Variants in MALRD1 observed in about 807,000 individuals in gnomAD.
MALRD1 encodes MAM and LDL-receptor class A domain-containing protein 1.
Under a neutral mutation model 242.1 loss-of-function variants are expected in MALRD1, and 247 were observed. The observed-to-expected ratio is 1.02, with a 90% CI of 0.92 to 1.13. The LOEUF (loss-of-function observed/expected upper bound fraction) is 1.13, where lower values mean the gene tolerates loss of function less well. Among genes scored for constraint, MALRD1 ranks in the 50% most tolerant of loss-of-function variants. The probability of loss-of-function intolerance (pLI) is 0.00; values close to 1 mark genes in which losing one functional copy is unlikely to be tolerated. For synonymous variants in MALRD1, 995 were observed against 866.6 expected (o/e 1.15, Z -2.60); for missense variants, 2,989 against 2,533.1 (o/e 1.18, Z -3.86).
At chr10:19,430,695 CTTAATA>C (rs530424405) in intron 28 of MALRD1, among the ~76,000 whole-genome samples, 6 of 152,234 alleles carry the variant, frequency 3.9e-5, no homozygotes, top group African/African-American at 1.2e-4. Context: ...ATAAAAGACA[CTTAATA>C]TTAATTGGAT....
intron 28 of MALRD1, among the ~76,000 whole-genome samples, chr10:19,446,683 T>C (rs1835001390): frequency 6.6e-6 from 1 of 152,218 alleles, no homozygotes; most frequent in Non-Finnish European, 1.5e-5. Context: ...ATGCATATAC[T>C]ATATGTGAGG....
intron 24 of MALRD1, among the ~76,000 whole-genome samples, chr10:19,333,268 C>T (rs183944878): frequency 6.6e-6 from 1 of 152,060 alleles, no homozygotes; most frequent in Non-Finnish European, 1.5e-5. Context: ...GCATAGGACA[C>T]AATAGATTTT....
At chr10:19,376,547 T>G (rs1423026474) in intron 26 of MALRD1, among the ~76,000 whole-genome samples, 2 of 100,484 alleles carry the variant, frequency 2.0e-5, no homozygotes, top group Non-Finnish European at 4.2e-5. Context: ...ACATTCTTTT[T>G]TTTTTTTTTT....
chr10:19,166,557 A>T (rs1041133336), intron 13 of MALRD1, among the ~76,000 whole-genome samples: 1 of 152,202 alleles, frequency 6.6e-6, no homozygotes, highest in Non-Finnish European at 1.5e-5. Flanking sequence ...GTATTTCAAA[A>T]TATTTAGGGG....
intron 14 of MALRD1, among the ~76,000 whole-genome samples, chr10:19,192,915 A>G (rs1341270646): frequency 1.3e-5 from 2 of 150,036 alleles, no homozygotes; most frequent in African/African-American, 4.9e-5. Context: ...TTATTCTTTG[A>G]AGGTGATTTA....
At chr10:19,212,962 T>C (rs1008838595) in intron 18 of MALRD1, among the ~76,000 whole-genome samples, 1 of 152,164 alleles carries the variant, frequency 6.6e-6, no homozygotes, top group Non-Finnish European at 1.5e-5. Context: ...TTTGAGCTTT[T>C]AAAATATATT....
chr10:19,271,250 A>T (rs1049544730), intron 19 of MALRD1, among the ~76,000 whole-genome samples: 8 of 152,258 alleles, frequency 5.3e-5, no homozygotes, highest in African/African-American at 1.9e-4. Flanking sequence ...ACTAGACAGC[A>T]TTCAGAATTA....
chr10:19,374,219 TAATGTAGA>T (rs1845506658), intron 26 of MALRD1, among the ~76,000 whole-genome samples: 2 of 152,252 alleles, frequency 1.3e-5, no homozygotes, highest in African/African-American at 4.8e-5. Flanking sequence ...AATGAAGTAC[TAATGTAGA>T]AATCCATTTT....
chr10:19,270,986 A>G (rs1011269133), intron 19 of MALRD1, among the ~76,000 whole-genome samples: 2 of 152,154 alleles, frequency 1.3e-5, no homozygotes, highest in Non-Finnish European at 2.9e-5. Flanking sequence ...ATAAACCTAA[A>G]TATACGAATG....
intron 36 of MALRD1, among the ~76,000 whole-genome samples, chr10:19,651,803 A>G (rs1239623453): frequency 1.3e-5 from 2 of 152,246 alleles, no homozygotes; most frequent in Non-Finnish European, 1.5e-5. Flanking sequence ...CTGTCTGGGC[A>G]TGATGTCAGG....
At chr10:19,052,212 G>T in intron 1 of MALRD1, 1 of 299,508 alleles carries the variant, frequency 3.3e-6, no homozygotes, top group Non-Finnish European at 6.5e-6. Flanking sequence ...AAAAACCACA[G>T]GCCCTTCCCC....
chr10:19,519,113 A>G (rs1173445354), intron 31 of MALRD1, among the ~76,000 whole-genome samples: 1 of 151,538 alleles, frequency 6.6e-6, no homozygotes, highest in African/African-American at 2.4e-5. Context: ...AAAAATGTAT[A>G]TACTTGTTCT....
rs150126323 is a variant in MALRD1 at position 19,451,811 on chromosome 10, T to C, written c.5029+1321T>C. Among the ~76,000 whole-genome samples, 69 of 152,290 alleles carry C rather than the reference T, an allele frequency of 4.5e-4. No individual in the cohort carries two copies. In the South Asian group the frequency reaches 5.8e-3, roughly 13 times the overall value. On this transcript the variant is annotated intron_variant, in intron 29 of 39. Transcript: ENST00000454679. ...GAATTCCCTCTCCTCCAACCTATGT[T>C]TCCAGAAAAGGTGGTTGTTACTCAG...
rs1835227811 is a variant in MALRD1 at position 19,730,122 on chromosome 10, G to C, written c.6315-584G>C. On this transcript the variant is annotated intron_variant, in intron 38 of 39. Transcript: ENST00000454679. ...AATTATAGTGAATTATGCACATGTA[G>C]TCCAATATGTGATATTACCAAGGGC... 1.3e-5 allele frequency among the ~76,000 whole-genome samples: 2 copies of C among 152,154 alleles called. 1 individual carries two copies. Among genetic ancestry groups the C allele is most frequent in the South Asian group, 4.1e-4 (2 of 4,824 alleles).
Position 19,106,301 on chromosome 10 carries a change from G to T in MALRD1, c.694+2226G>T, listed in dbSNP as rs1283254057. On this transcript the variant is annotated intron_variant, in intron 5 of 39. Coordinates refer to ENST00000454679, the MANE Select transcript of MALRD1 (RefSeq NM_001142308.3). ...TAGAATTTAGTAGTGAAGCCATCAG[G>T]TTCTGGGTTGTTCTTTGGTGGGAGA... Among the ~76,000 whole-genome samples, 7 of 151,810 alleles carry T rather than the reference G, an allele frequency of 4.6e-5. No homozygotes were observed. In the East Asian group the frequency reaches 1.4e-3, roughly 29 times the overall value.
intron 32 of MALRD1, among the ~76,000 whole-genome samples, chr10:19,533,890 T>C (rs574403371): frequency 6.6e-6 from 1 of 152,282 alleles, no homozygotes; most frequent in Admixed American, 6.5e-5. Context: ...GTGGGTGACC[T>C]CAGTAGGGCC....
rs144030568 is a variant in MALRD1 at position 19,316,113 on chromosome 10, A to C, written c.3420-7836A>C. On this transcript the variant is annotated intron_variant, in intron 21 of 39. Coordinates refer to ENST00000454679, the MANE Select transcript of MALRD1 (RefSeq NM_001142308.3). Reference sequence around the variant, plus strand: ...CTAAGGAAACTCCTTAGTAAATTTAAGTAATTTACTAAGGAAACTCCTTAG... The same window carrying C: ...CTAAGGAAACTCCTTAGTAAATTTACGTAATTTACTAAGGAAACTCCTTAG... 2.0e-3 allele frequency among the ~76,000 whole-genome samples: 300 copies of C among 149,852 alleles called. 2 individuals carry two copies. The highest frequency in any genetic ancestry group is 7.0e-3 in the Admixed American group (105 of 15,062).
chr10:19,705,095 A>G (rs879797694), intron 38 of MALRD1, among the ~76,000 whole-genome samples: 4 of 152,174 alleles, frequency 2.6e-5, no homozygotes, highest in Non-Finnish European at 4.4e-5. Flanking sequence ...CCCAAATGAA[A>G]TATCTGTTCC....
In MALRD1 at chr10:19,450,500, C is replaced by A; in HGVS notation, c.5029+10C>A. ...AAAAACTGCACAACTGGTAAGTTTCCAGAAAGCACTTCCATTTGGAAGCAC... is the reference window on the plus strand; with the variant it reads ...AAAAACTGCACAACTGGTAAGTTTCAAGAAAGCACTTCCATTTGGAAGCAC... On this transcript the variant is annotated intron_variant, in intron 29 of 39. Coordinates refer to ENST00000454679, the MANE Select transcript of MALRD1 (RefSeq NM_001142308.3). The A allele has an allele frequency of 1.3e-6, 2 of 1,536,264 alleles. No individual in the cohort carries two copies. The highest frequency in any genetic ancestry group is 3.5e-4 in the Middle Eastern group (2 of 5,774).
Sources: gnomAD v4.1 joint callset for allele counts (sites outside exome capture counted in the v4.1 genomes callset) on GRCh38, gnomAD v4.1.1 for gene constraint, MANE v1.5 for transcripts, NCBI Gene and HGNC (gene_info 2026-07-23, HGNC 2026-07-21) for gene names.